Variants in SORBS2 observed in about 807,000 individuals in gnomAD.
SORBS2 encodes sorbin and SH3 domain-containing protein 2.
Under a neutral mutation model 97.7 loss-of-function variants are expected in SORBS2, and 46 were observed. The observed-to-expected ratio is 0.47, with a 90% confidence interval of 0.37 to 0.60. The LOEUF (loss-of-function observed/expected upper bound fraction) is 0.60, where lower values mean the gene tolerates loss of function less well. Among genes scored for constraint, SORBS2 ranks in the 20% least tolerant of loss-of-function variants. The pLI is 0.00. For missense variants in SORBS2, 1,316 were observed against 1,282.3 expected, an observed-to-expected ratio of 1.03 and a Z score of -0.40; for synonymous variants, 476 against 473.4, an observed-to-expected ratio of 1.01 and a Z score of -0.07.
intron 1 of SORBS2, among the ~76,000 whole-genome samples, chr4:185,898,994 T>G (rs1472374705): frequency 2.0e-5 from 3 of 152,170 alleles, no homozygotes; most frequent in Non-Finnish European, 4.4e-5. Context: ...GATTTTTTTT[T>G]TTAAGCTCAT....
chr4:185,806,319 C>A (rs1363264290), intron 1 of SORBS2, among the ~76,000 whole-genome samples: 4 of 152,136 alleles, frequency 2.6e-5, no homozygotes, highest in Non-Finnish European at 5.9e-5. Context: ...TAGCCAAAAT[C>A]TCATTTGAAT....
At chr4:185,945,487 C>T (rs1313910841) in intron 1 of SORBS2, among the ~76,000 whole-genome samples, 1 of 152,142 alleles carries the variant, frequency 6.6e-6, no homozygotes, top group African/African-American at 2.4e-5. Flanking sequence ...ATTCAAATCC[C>T]AAGTTATTTC....
At position 185,656,393 on chromosome 4, in the gene SORBS2, C is replaced by T. The variant is rs147639605; in HGVS notation, c.24+222G>A. On this transcript the variant is annotated intron_variant, in intron 1 of 14. Coordinates refer to ENST00000418609, the Ensembl canonical transcript of SORBS2. ...AAAGTCAAGGAGAGAAGAAAATCCC[C>T]ACACTTTATCGTTAGTTCTTTTTGA... Among the ~76,000 whole-genome samples the T allele has an allele frequency of 1.1e-3, 166 of 151,694 alleles. 2 individuals carry two copies. Among genetic ancestry groups the T allele is most frequent in the African/African-American group, 3.5e-3 (146 of 41,352 alleles).
chr4:185,694,327 C>T (rs2098139690), intron 2 of SORBS2, among the ~76,000 whole-genome samples: 1 of 152,178 alleles, frequency 6.6e-6, no homozygotes, highest in Non-Finnish European at 1.5e-5. Context: ...CAAGTATTCT[C>T]TTAACTTGGA....
intron 1 of SORBS2, among the ~76,000 whole-genome samples, chr4:185,787,328 A>G (rs60132386): frequency 0.52 from 79,152 of 152,034 alleles, 22,657 homozygotes; most frequent in Non-Finnish European, 0.66. Context: ...GAAAATGGTT[A>G]AGAGAGACTG....
At chr4:185,792,912 C>G (rs1199962891) in intron 1 of SORBS2, among the ~76,000 whole-genome samples, 1 of 152,154 alleles carries the variant, frequency 6.6e-6, no homozygotes, top group South Asian at 2.1e-4. Context: ...CATGTGTGAC[C>G]CTGTGCAAGT....
chr4:185,691,922 C>T (rs73013680), intron 2 of SORBS2, among the ~76,000 whole-genome samples: 347 of 152,208 alleles, frequency 2.3e-3, no homozygotes, highest in African/African-American at 8.1e-3. Flanking sequence ...TTTCTTTTTG[C>T]ATTTTTAGTA....
At chr4:185,831,772 T>C (rs921339563) in intron 1 of SORBS2, among the ~76,000 whole-genome samples, 3 of 152,230 alleles carry the variant, frequency 2.0e-5, no homozygotes, top group Admixed American at 6.5e-5. Context: ...TTCTTTCCAC[T>C]ACACTCTGAG....
intron 1 of SORBS2, among the ~76,000 whole-genome samples, chr4:185,894,785 A>G (rs1335653502): frequency 1.3e-5 from 2 of 152,214 alleles, no homozygotes; most frequent in African/African-American, 4.8e-5. Context: ...CAGATGATGC[A>G]ACCCACTCCC....
rs113849619 is a variant in SORBS2 at position 185,814,356 on chromosome 4, C to T, written c.-337-38990G>A. ...GACCAGTCTAGGCAACAGACTGCAT[C>T]TCTACAAAAAAAAAAAAAATCAAAC... is the stretch of plus-strand genomic sequence containing the variant. On this transcript the variant is annotated intron_variant, in intron 1 of 20. Coordinates refer to the SORBS2 transcript ENST00000284776. Among the ~76,000 whole-genome samples the T allele has an allele frequency of 8.7e-3, 1,304 of 149,124 alleles. 16 individuals carry two copies. The highest frequency in any genetic ancestry group is 0.029 in the African/African-American group (1,152 of 40,186).
chr4:185,640,065 T>C (rs942336121), intron 4 of SORBS2, among the ~76,000 whole-genome samples: 17 of 152,354 alleles, frequency 1.1e-4, no homozygotes, highest in Admixed American at 9.8e-4. Flanking sequence ...GTGTTTTTAG[T>C]GATGTGACTT....
At chr4:185,762,986 C>T (rs994778869) in intron 2 of SORBS2, among the ~76,000 whole-genome samples, 2 of 152,050 alleles carry the variant, frequency 1.3e-5, no homozygotes, top group African/African-American at 2.4e-5. Flanking sequence ...GTCAGGAGTT[C>T]GAGACCAGCC....
At chr4:185,875,960 C>T (rs1329301932) in intron 1 of SORBS2, among the ~76,000 whole-genome samples, 1 of 152,188 alleles carries the variant, frequency 6.6e-6, no homozygotes, top group East Asian at 1.9e-4. Context: ...TCACCTTCCC[C>T]CTGACTCATA....
intron 1 of SORBS2, among the ~76,000 whole-genome samples, chr4:185,953,703 G>A (rs1401569785): frequency 6.6e-6 from 1 of 152,242 alleles, no homozygotes; most frequent in African/African-American, 2.4e-5. Context: ...CTTCTCAGGA[G>A]TAATCATGTC....
intron 1 of SORBS2, among the ~76,000 whole-genome samples, chr4:185,947,160 C>T (rs2099274922): frequency 6.6e-6 from 1 of 152,200 alleles, no homozygotes; most frequent in Non-Finnish European, 1.5e-5. Flanking sequence ...CTCTCCCTAC[C>T]CCTTATCCAG....
At chr4:185,881,523 T>C (rs1348353290) in intron 1 of SORBS2, among the ~76,000 whole-genome samples, 3 of 152,168 alleles carry the variant, frequency 2.0e-5, no homozygotes, top group East Asian at 3.9e-4. Context: ...GAAAGGCATC[T>C]ACAAGTGGTG....
At chr4:185,886,676 T>A (rs2149791490) in intron 1 of SORBS2, among the ~76,000 whole-genome samples, 1 of 151,220 alleles carries the variant, frequency 6.6e-6, no homozygotes, top group Middle Eastern at 3.5e-3. Flanking sequence ...GGATTCCGTG[T>A]GGGAAAGTAC....
intron 1 of SORBS2, among the ~76,000 whole-genome samples, chr4:185,940,855 C>A (rs1025743082): frequency 6.6e-6 from 1 of 152,262 alleles, no homozygotes; most frequent in South Asian, 2.1e-4. Context: ...ATATTGCACC[C>A]TTTATTCTCT....
At chr4:185,861,891 C>A (rs1401337255) in intron 1 of SORBS2, among the ~76,000 whole-genome samples, 1 of 152,158 alleles carries the variant, frequency 6.6e-6, no homozygotes, top group African/African-American at 2.4e-5. Flanking sequence ...GCCACTGCGC[C>A]CAGCCCTGAC....
Sources: gnomAD v4.1 joint callset for allele counts (sites outside exome capture counted in the v4.1 genomes callset) on GRCh38, gnomAD v4.1.1 for gene constraint, MANE v1.5 for transcripts, NCBI Gene and HGNC (gene_info 2026-07-23, HGNC 2026-07-21) for gene names.